The following NLGN1 variants were observed in gnomAD, a reference collection of about 807,000 sequenced individuals.
NLGN1 encodes the protein neuroligin 1.
Under a neutral mutation model 65.5 loss-of-function variants are expected in NLGN1, and 12 were observed. The observed-to-expected ratio is 0.18, with a 90% CI of 0.12 to 0.30. The LOEUF (loss-of-function observed/expected upper bound fraction) is 0.30. Among genes scored for constraint, NLGN1 ranks in the 10% least tolerant of loss-of-function variants. The pLI is 1.00. For missense variants in NLGN1, 750 were observed against 1,007.1 expected (o/e 0.74, Z 3.46); for synonymous variants, 350 against 359.5 (o/e 0.97, Z 0.30).
intron 4 of NLGN1, among the ~76,000 whole-genome samples, chr3:174,177,472 G>C (rs1364271474): frequency 2.6e-5 from 4 of 151,832 alleles, no homozygotes; most frequent in Non-Finnish European, 5.9e-5. Context: ...CCTCTGTTTG[G>C]AAGCTCCATT....
intron 4 of NLGN1, among the ~76,000 whole-genome samples, chr3:173,918,414 A>T (rs1159919517): frequency 1.3e-5 from 2 of 152,082 alleles, no homozygotes; most frequent in Non-Finnish European, 2.9e-5. Context: ...AGGCAGGCAG[A>T]TCACGAGGTC....
intron 4 of NLGN1, among the ~76,000 whole-genome samples, chr3:174,048,825 C>G (rs981431776): frequency 1.3e-5 from 2 of 151,928 alleles, no homozygotes; most frequent in South Asian, 4.1e-4. Flanking sequence ...TCAAATTAAA[C>G]ACACAAAGAA....
intron 2 of NLGN1, among the ~76,000 whole-genome samples, chr3:173,562,037 T>C (rs1252139484): frequency 6.6e-6 from 1 of 152,152 alleles, no homozygotes; most frequent in East Asian, 1.9e-4. Context: ...CGTTTGTTTG[T>C]TTTTTTAGAT....
intron 2 of NLGN1, among the ~76,000 whole-genome samples, chr3:173,443,102 T>G (rs1373155362): frequency 6.6e-6 from 1 of 151,772 alleles, no homozygotes; most frequent in Non-Finnish European, 1.5e-5. Flanking sequence ...AGTCAGGTGT[T>G]GTACCTAGTG....
intron 3 of NLGN1, among the ~76,000 whole-genome samples, chr3:173,642,843 T>C (rs1315282420): frequency 1.3e-5 from 2 of 152,340 alleles, no homozygotes; most frequent in African/African-American, 4.8e-5. Context: ...AAAGTACTTA[T>C]GTATGACCCT....
At chr3:174,147,985 G>T (rs1297326303) in intron 4 of NLGN1, among the ~76,000 whole-genome samples, 1 of 152,080 alleles carries the variant, frequency 6.6e-6, no homozygotes, top group Non-Finnish European at 1.5e-5. Context: ...AAATTTGCAT[G>T]CCCCAATTAC....
In NLGN1 at chr3:173,498,880, C is replaced by T. The variant is rs371161538; in HGVS notation, c.-321+63802C>T. Among the ~76,000 whole-genome samples the T allele has an allele frequency of 5.2e-3, 792 of 151,632 alleles. 10 individuals are homozygous for T. The highest frequency in any genetic ancestry group is 0.014 in the South Asian group (69 of 4,820). On this transcript the variant is annotated intron_variant, in intron 2 of 6. Coordinates refer to ENST00000457714, the Ensembl canonical transcript of NLGN1. ...TTGAGAAGTGTCTGTTCATATCCTT[C>T]GCCCACTTTTTGATGGGGTTGTTTG...
intron 4 of NLGN1, among the ~76,000 whole-genome samples, chr3:174,104,129 A>G (rs1713180942): frequency 6.6e-6 from 1 of 152,018 alleles, no homozygotes. Context: ...CAGGTTTCAA[A>G]TCGTCCTTCT....
chr3:174,118,236 C>T (rs953883158), intron 4 of NLGN1, among the ~76,000 whole-genome samples: 2 of 151,982 alleles, frequency 1.3e-5, no homozygotes, highest in African/African-American at 4.8e-5. Context: ...TCTTCTTATT[C>T]GTATTATATT....
At chr3:173,932,885 C>T (rs1044381190) in intron 4 of NLGN1, among the ~76,000 whole-genome samples, 2 of 152,124 alleles carry the variant, frequency 1.3e-5, no homozygotes, top group Admixed American at 1.3e-4. Flanking sequence ...TGTATTATAG[C>T]TTAGCTCATG....
chr3:174,104,473 G>A (rs1343741368), intron 4 of NLGN1, among the ~76,000 whole-genome samples: 2 of 152,040 alleles, frequency 1.3e-5, no homozygotes, highest in Non-Finnish European at 2.9e-5. Context: ...ACACACTGGG[G>A]ATTCAAAGAC....
chr3:173,897,952 G>A (rs73035444), intron 4 of NLGN1, among the ~76,000 whole-genome samples: 5,954 of 152,040 alleles, frequency 0.039, 236 homozygotes, highest in African/African-American at 0.099. Flanking sequence ...AGTTAACACT[G>A]GAAAAATTAA....
At chr3:173,684,315 A>G (rs1383829870) in intron 3 of NLGN1, among the ~76,000 whole-genome samples, 5 of 152,166 alleles carry the variant, frequency 3.3e-5, no homozygotes, top group African/African-American at 1.2e-4. Context: ...TGTGTTTTAA[A>G]CAGACTGATT....
At chr3:173,593,062 A>G (rs115529880) in intron 2 of NLGN1, among the ~76,000 whole-genome samples, 4,753 of 152,182 alleles carry the variant, frequency 0.031, 167 homozygotes, top group African/African-American at 0.077. Flanking sequence ...CCTGGTTTCC[A>G]GATTAATTCT....
chr3:174,006,129 C>T (rs1465120817), intron 4 of NLGN1, among the ~76,000 whole-genome samples: 1 of 152,122 alleles, frequency 6.6e-6, no homozygotes, highest in African/African-American at 2.4e-5. Flanking sequence ...CTCAATCTCT[C>T]TGCCCCATAA....
At chr3:174,147,062 T>C (rs775399835) in intron 4 of NLGN1, among the ~76,000 whole-genome samples, 1 of 152,218 alleles carries the variant, frequency 6.6e-6, no homozygotes, top group Non-Finnish European at 1.5e-5. Flanking sequence ...TTTATCGGTA[T>C]GTAGATACCC....
At chr3:173,466,602 A>C (rs960754689) in intron 2 of NLGN1, among the ~76,000 whole-genome samples, 2 of 152,184 alleles carry the variant, frequency 1.3e-5, no homozygotes, top group African/African-American at 4.8e-5. Flanking sequence ...AATAGGAAAA[A>C]TATTTTGCAA....
intron 4 of NLGN1, among the ~76,000 whole-genome samples, chr3:174,165,068 A>AT (rs1463775566): frequency 6.6e-6 from 1 of 151,732 alleles, no homozygotes; most frequent in Non-Finnish European, 1.5e-5. Context: ...ATTCCTAGGT[A>AT]TTTTTTGTGT....
chr3:173,535,869 C>T (rs1233015141), intron 2 of NLGN1, among the ~76,000 whole-genome samples: 1 of 152,202 alleles, frequency 6.6e-6, no homozygotes, highest in African/African-American at 2.4e-5. Flanking sequence ...CAAGGGCATG[C>T]ACAGATGAAT....
Sources: allele counts gnomAD v4.1 joint callset (sites outside exome capture counted in the v4.1 genomes callset), GRCh38; gene constraint gnomAD v4.1.1; transcripts MANE v1.5; gene names NCBI Gene and HGNC (gene_info 2026-07-23, HGNC 2026-07-21).